Variants in FBXO31 observed in about 807,000 individuals in gnomAD.
FBXO31 encodes the protein F-box protein 31.
A neutral mutation model predicts 54.4 loss-of-function variants in FBXO31; 24 were observed. The observed-to-expected ratio is 0.44, with a 90% CI of 0.32 to 0.62. The LOEUF is 0.62. Among genes scored for constraint, FBXO31 ranks in the 20% least tolerant of loss-of-function variants. FBXO31 has a pLI of 0.05. For synonymous variants in FBXO31, 388 were observed against 335.6 expected, an observed-to-expected ratio of 1.16 and a Z score of -1.71; for missense variants, 665 against 787.1, an observed-to-expected ratio of 0.84 and a Z score of 1.86.
intron 2 of FBXO31, 62 bp from the exon 3 acceptor site, chr16:87,347,312 G>A: frequency 1.4e-6 from 2 of 1,435,278 alleles, no homozygotes; most frequent in Admixed American, 3.3e-5. Context: ...GGGAGCCCAG[G>A]AACCCCGAGA....
intron 2 of FBXO31, among the ~76,000 whole-genome samples, chr16:87,350,150 G>GGGTT (rs1478831603): frequency 6.6e-6 from 1 of 152,070 alleles, no homozygotes; most frequent in African/African-American, 2.4e-5. Flanking sequence ...GGGGCCATGG[G>GGGTT]GGTTTCGGAG....
intron 4 of FBXO31, among the ~76,000 whole-genome samples, chr16:87,343,183 T>TC (rs1905246460): frequency 6.6e-6 from 1 of 152,190 alleles, no homozygotes; most frequent in Admixed American, 6.5e-5. Context: ...CGTTTGCATT[T>TC]CCCAGCGTGA....
rs969111584 is a variant in FBXO31, at chr16:87,335,533, T to A, written c.843-76A>T. The A allele has an allele frequency of 1.2e-5, 15 of 1,244,098 alleles. No homozygotes were observed. In the African/African-American group the frequency reaches 2.2e-4, roughly 19 times the overall value. The allele number at this position is 1,244,098 out of a possible 1,614,324, so 77.1% of individuals were successfully genotyped here. A position where few individuals can be genotyped will look rare whatever the true frequency, so the allele number is the denominator to read the frequency against. On this transcript the variant is annotated intron_variant, in intron 6 of 8. Coordinates refer to ENST00000311635, the MANE Select transcript of FBXO31 (RefSeq NM_024735.5). This position sits in a 1 kb window ranked among gnomAD's most constrained non-coding sequence, Gnocchi z 5.7. ...CTGAGAACGCCCAAGGTGCCAGGGA[T>A]GAGCTTTGCAGGGCGGGGTAGGGCG...
intron 3 of FBXO31, among the ~76,000 whole-genome samples, chr16:87,344,341 G>A (rs1049509945): frequency 2.6e-5 from 4 of 152,260 alleles, no homozygotes; most frequent in Admixed American, 6.5e-5. Context: ...GCTCAGGAGC[G>A]GGAAGAGCCG....
intron 2 of FBXO31, among the ~76,000 whole-genome samples, chr16:87,350,377 G>A (rs772842348): frequency 6.6e-6 from 1 of 152,172 alleles, no homozygotes; most frequent in Non-Finnish European, 1.5e-5. Flanking sequence ...CCCCGGCTGT[G>A]TGCAGGCTGC....
chr16:87,383,384 C>CCCCCCCCCCCCCCCGCCCAACCACCA lies in FBXO31; in HGVS notation c.340+20_340+21insTGGTGGTTGGGCGGGGGGGGGGGGGG. 1 of 1,520,104 alleles carries CCCCCCCCCCCCCCCGCCCAACCACCA rather than the reference C, an allele frequency of 6.6e-7. No individual in the cohort carries two copies. Among genetic ancestry groups the CCCCCCCCCCCCCCCGCCCAACCACCA allele is most frequent in the Non-Finnish European group, 8.8e-7 (1 of 1,132,492 alleles). 94.2% of individuals were successfully genotyped at this position (1,520,104 alleles called of 1,614,324 possible). On this transcript the variant is annotated intron_variant, in intron 1 of 8. Coordinates refer to ENST00000311635, the MANE Select transcript of FBXO31 (RefSeq NM_024735.5). This position sits in a 1 kb window ranked among gnomAD's most constrained non-coding sequence, Gnocchi z 4.9. ...CAGGGACCCCCCGCCCCTCCCGGCC[C>CCCCCCCCCCCCCCCGCCCAACCACCA]CGCCACCCCCGCGCGCTCACCCTCA...
intron 1 of FBXO31, among the ~76,000 whole-genome samples, chr16:87,368,999 G>A (rs919029276): frequency 2.0e-5 from 3 of 151,970 alleles, no homozygotes; most frequent in Non-Finnish European, 4.4e-5. Flanking sequence ...ACGGGGTTTC[G>A]CCATGTCTCG....
chr16:87,391,306 CAAAA>C (rs896152492), upstream of FBXO31, among the ~76,000 whole-genome samples: 3 of 152,106 alleles, frequency 2.0e-5, no homozygotes, highest in African/African-American at 7.2e-5. Context: ...GACCCTGTCT[CAAAA>C]AAACCCCAAA....
At chr16:87,385,500 C>G (rs1402071697), upstream of FBXO31, among the ~76,000 whole-genome samples, 2 of 126,570 alleles carry the variant, frequency 1.6e-5, no homozygotes, top group East Asian at 3.9e-4. Flanking sequence ...ATCCTGCTAT[C>G]TACCAGGGAG....
intron 1 of FBXO31, among the ~76,000 whole-genome samples, chr16:87,377,667 T>G (rs1356899480): frequency 1.3e-5 from 2 of 149,672 alleles, no homozygotes; most frequent in Non-Finnish European, 3.0e-5. Flanking sequence ...CTCTACAAAA[T>G]AATACAAAAA....
intron 1 of FBXO31, among the ~76,000 whole-genome samples, chr16:87,378,052 A>C (rs192130579): frequency 6.6e-6 from 1 of 151,834 alleles, no homozygotes; most frequent in East Asian, 1.9e-4. Context: ...CCAGTTATTC[A>C]GGAGGCTGAG....
chr16:87,327,209 A>G lies in FBXO31; in HGVS notation c.*4079T>C, dbSNP rs1286721382. On this transcript the variant is annotated 3_prime_UTR_variant, in exon 9 of 9. Transcript: ENST00000311635. ...GGCTACATGGCCCCCAGAAACAACC[A>G]AATGCAGAATCAGGCCAAAACCCAC... 3 of 152,672 alleles carry G rather than the reference A, an allele frequency of 2.0e-5. No homozygotes were observed. Among genetic ancestry groups the G allele is most frequent in the Non-Finnish European group, 2.9e-5 (2 of 68,396 alleles). The allele number at this position is 152,672 out of a possible 1,614,324, so 9.5% of individuals were successfully genotyped here.
chr16:87,352,784 G>A (rs1411684872), intron 2 of FBXO31, among the ~76,000 whole-genome samples: 6 of 152,158 alleles, frequency 3.9e-5, no homozygotes, highest in Non-Finnish European at 5.9e-5. Context: ...TGGGAGCCCC[G>A]GCATAAATGC....
Position 87,358,125 on chromosome 16 carries a change from G to A in FBXO31, c.412+2170C>T, listed in dbSNP as rs1270885850. 6.6e-6 allele frequency among the ~76,000 whole-genome samples: 1 copy of A among 152,106 alleles called. No individual in the cohort carries two copies. Among genetic ancestry groups the A allele is most frequent in the Non-Finnish European group, 1.5e-5 (1 of 68,024 alleles). On this transcript the variant is annotated intron_variant, in intron 2 of 8. Transcript: ENST00000311635. The surrounding 1 kb of genome is among the most constrained non-coding windows in gnomAD (Gnocchi z 4.0). ...TGTCTGCAGTAGCTCCTCAATAAAC[G>A]ATACATGTGAAAATGTGCATTAAAG...
chr16:87,382,335 GA>G (rs1907113664), intron 1 of FBXO31, among the ~76,000 whole-genome samples: 1 of 152,096 alleles, frequency 6.6e-6, no homozygotes, highest in Non-Finnish European at 1.5e-5. Flanking sequence ...GTTTATTTTT[GA>G]CTGCTGGGGT....
upstream of FBXO31, among the ~76,000 whole-genome samples, chr16:87,390,786 G>A (rs1907508819): frequency 3.3e-5 from 5 of 151,832 alleles, no homozygotes. Flanking sequence ...TGTGGAGGAC[G>A]GGGTCTTGCT....
chr16:87,364,096 T>A (rs574391278), intron 1 of FBXO31, among the ~76,000 whole-genome samples: 8 of 152,320 alleles, frequency 5.3e-5, no homozygotes, highest in Non-Finnish European at 1.2e-4. Context: ...ATTTTGGTTA[T>A]GTTGATACAA....
chr16:87,347,230 T>C lies in FBXO31; in HGVS notation c.433A>G (p.Ile145Val). Residue 145 changes from isoleucine to valine, a missense_variant, in exon 3 of 9, where the codon ATT becomes GTT. This residue lies in a region of FBXO31 where 234 missense variants were observed against 346.8 expected (regional missense o/e 0.67). Transcript: ENST00000311635. ...YAKLLHRYRH[I>V]LGLWQPDIGP... Reference sequence around the variant, plus strand: ...ATATCTGGCTGCCACAATCCCAAAATGTGTCTATATCGGTGAAGCACTACA... The same window carrying C: ...ATATCTGGCTGCCACAATCCCAAAACGTGTCTATATCGGTGAAGCACTACA... 1 of 1,614,044 alleles carries C rather than the reference T, an allele frequency of 6.2e-7. No individual in the cohort carries two copies. Among genetic ancestry groups the C allele is most frequent in the Non-Finnish European group, 8.5e-7 (1 of 1,179,976 alleles).
intron 2 of FBXO31, among the ~76,000 whole-genome samples, chr16:87,355,965 C>A (rs1280455525): frequency 6.6e-6 from 1 of 152,202 alleles, no homozygotes; most frequent in African/African-American, 2.4e-5. Flanking sequence ...CATGAGGAGC[C>A]TCTCAGTGCT....
Sources: allele counts gnomAD v4.1 joint callset (sites outside exome capture counted in the v4.1 genomes callset), GRCh38; gene constraint gnomAD v4.1.1; regional missense constraint gnomAD v4.1.1; non-coding constraint Gnocchi (gnomAD v3.1); transcripts MANE v1.5; gene names NCBI Gene and HGNC (gene_info 2026-07-23, HGNC 2026-07-21).